The following EML6 variants were observed in gnomAD, a reference collection of about 807,000 sequenced individuals.
EML6 encodes echinoderm microtubule-associated protein-like 6.
In EML6, 154 loss-of-function variants were observed where a neutral mutation model predicts 240.1. That is an observed-to-expected ratio of 0.64 (90% CI 0.56 to 0.73). The LOEUF is 0.73. Among genes scored for constraint, EML6 ranks in the 30% least tolerant of loss-of-function variants. EML6 has a pLI of 0.00. For missense variants in EML6, 2,964 were observed against 2,474.6 expected (o/e 1.20, Z -4.20); for synonymous variants, 1,148 against 899.0 (o/e 1.28, Z -4.95).
In EML6 at chr2:54,928,282, C is replaced by G. The variant is rs1489318612; in HGVS notation, c.3676-31C>G. ...AGCCCAGAGAAAGGAATAACAGTGGCTGGGGTAATAACCAATTTCGGGCTT... is the reference window on the plus strand; with the variant it reads ...AGCCCAGAGAAAGGAATAACAGTGGGTGGGGTAATAACCAATTTCGGGCTT... On this transcript the variant is annotated intron_variant, in intron 26 of 41. Transcript: ENST00000356458. 4.0e-6 allele frequency: 6 copies of G among 1,515,254 alleles called. No homozygotes were observed. In the Admixed American group the frequency reaches 1.2e-4, roughly 30 times the overall value. The allele number at this position is 1,515,254 out of a possible 1,614,324, so 93.9% of individuals were successfully genotyped here. A position where few individuals can be genotyped will look rare whatever the true frequency, so the allele number is the denominator to read the frequency against.
chr2:54,880,828 T>G (rs904257275), intron 17 of EML6: 1 of 152,204 alleles, frequency 6.6e-6, no homozygotes, highest in Non-Finnish European at 1.5e-5. Flanking sequence ...ACAGATAATT[T>G]CAGGGAAAGC....
At chr2:54,956,138 A>T (rs950537367) in intron 32 of EML6, among the ~76,000 whole-genome samples, 1 of 152,206 alleles carries the variant, frequency 6.6e-6, no homozygotes, top group Non-Finnish European at 1.5e-5. Flanking sequence ...CTAGAAGCCA[A>T]TGCAGAGAGG....
intron 2 of EML6, among the ~76,000 whole-genome samples, chr2:54,784,469 T>C (rs1477845065): frequency 4.6e-5 from 7 of 152,158 alleles, no homozygotes; most frequent in Non-Finnish European, 1.0e-4. Flanking sequence ...AATAATGAAT[T>C]TGTATAGCCT....
chr2:54,835,865 GT>G, intron 7 of EML6, among the ~76,000 whole-genome samples: 2 of 152,308 alleles, frequency 1.3e-5, no homozygotes, highest in East Asian at 3.9e-4. Context: ...AGCCCCAAAT[GT>G]TGATAGTGTT....
At chr2:54,887,417 G>T (rs1672207225) in intron 17 of EML6, among the ~76,000 whole-genome samples, 2 of 152,110 alleles carry the variant, frequency 1.3e-5, no homozygotes, top group African/African-American at 4.8e-5. Context: ...AAATGTTAGG[G>T]TTATTTGAGT....
chr2:54,823,745 A>AGG (rs1284609321), intron 5 of EML6, among the ~76,000 whole-genome samples: 1 of 151,906 alleles, frequency 6.6e-6, no homozygotes, highest in Non-Finnish European at 1.5e-5. Context: ...CCAGGACCCT[A>AGG]GGGGGTTAGG....
intron 2 of EML6, among the ~76,000 whole-genome samples, chr2:54,731,862 AC>A: frequency 1.3e-5 from 2 of 151,784 alleles, no homozygotes; most frequent in African/African-American, 4.8e-5. Context: ...GGATCTGAAC[AC>A]CTTTTTGAAG....
At chr2:54,903,240 G>A (rs1673153901) in intron 23 of EML6, 44 bp downstream of exon 23, 8 of 1,533,644 alleles carry the variant, frequency 5.2e-6, no homozygotes, top group Non-Finnish European at 6.2e-6. Context: ...ACAGTCTTGG[G>A]ACAAAAAATT....
intron 2 of EML6, among the ~76,000 whole-genome samples, chr2:54,783,079 A>T (rs1174022674): frequency 6.6e-6 from 1 of 152,210 alleles, no homozygotes; most frequent in African/African-American, 2.4e-5. Flanking sequence ...TAATATAGGT[A>T]TGTATGCGTG....
chr2:54,804,087 A>AT (rs1365405087), intron 2 of EML6, among the ~76,000 whole-genome samples: 1 of 152,224 alleles, frequency 6.6e-6, no homozygotes, highest in Non-Finnish European at 1.5e-5. Flanking sequence ...TACCCTGAAA[A>AT]TGACTGTGTG....
chr2:54,838,753 T>C (rs1043162627), intron 7 of EML6, among the ~76,000 whole-genome samples: 2 of 152,212 alleles, frequency 1.3e-5, no homozygotes, highest in African/African-American at 2.4e-5. Context: ...GCTGGCTCTC[T>C]GTACCAAGCA....
At chr2:54,767,723 G>T (rs1668244996) in intron 2 of EML6, among the ~76,000 whole-genome samples, 1 of 151,666 alleles carries the variant, frequency 6.6e-6, no homozygotes, top group Non-Finnish European at 1.5e-5. Context: ...ATATTGCCCA[G>T]GCTGGTGTCG....
At chr2:54,840,099 C>A (rs1158341872) in intron 7 of EML6, among the ~76,000 whole-genome samples, 2 of 152,112 alleles carry the variant, frequency 1.3e-5, no homozygotes, top group East Asian at 3.9e-4. Context: ...CTGAAGAGTA[C>A]AGCATTAAAT....
At chr2:54,916,353 G>T (rs1464064297) in intron 25 of EML6, among the ~76,000 whole-genome samples, 2 of 152,232 alleles carry the variant, frequency 1.3e-5, no homozygotes, top group African/African-American at 2.4e-5. Context: ...GGAGACCAGA[G>T]ATGCTCTAAA....
intron 30 of EML6, among the ~76,000 whole-genome samples, chr2:54,951,200 G>A (rs10182616): frequency 0.061 from 9,257 of 152,162 alleles, 889 homozygotes; most frequent in African/African-American, 0.2. Context: ...TGACAGTTTA[G>A]CCACATTTAT....
chr2:54,756,857 G>A (rs1419117959), intron 2 of EML6, among the ~76,000 whole-genome samples: 1 of 151,834 alleles, frequency 6.6e-6, no homozygotes, highest in Non-Finnish European at 1.5e-5. Flanking sequence ...GTTCTGGAAT[G>A]TTTTCTTGCC....
intron 2 of EML6, among the ~76,000 whole-genome samples, chr2:54,784,794 C>T (rs1000496351): frequency 6.6e-6 from 1 of 152,054 alleles, no homozygotes; most frequent in Non-Finnish European, 1.5e-5. Flanking sequence ...TATTAAGCCC[C>T]ACATGCTATT....
rs1672526213 is a variant in EML6 at position 54,892,515 on chromosome 2, G to A, written c.2601G>A (p.Met867Ile). 4 of 1,551,416 alleles carry A rather than the reference G, an allele frequency of 2.6e-6. No individual in the cohort carries two copies. In the South Asian group the frequency reaches 3.6e-5, roughly 14 times the overall value. ...FGSVGKLETM[M>I]CVSYGRMEDL... Reference sequence around the variant, plus strand: ...GCGTTGGAAAATTGGAAACAATGATGTGTGTTTCTTACGGACGAATGGAAG... The same window carrying A: ...GCGTTGGAAAATTGGAAACAATGATATGTGTTTCTTACGGACGAATGGAAG... Residue 867 changes from methionine to isoleucine, a missense_variant, in exon 19 of 42, where the codon ATG (methionine) becomes ATA (isoleucine). Physicochemically the swap from Met to Ile is conservative, Grantham distance 10. Coordinates refer to ENST00000356458, the MANE Select transcript of EML6 (RefSeq NM_001039753.4).
chr2:54,728,819 C>G (rs1237289571), intron 2 of EML6, among the ~76,000 whole-genome samples: 2 of 152,194 alleles, frequency 1.3e-5, no homozygotes, highest in Non-Finnish European at 2.9e-5. Context: ...TTTCTGTTCT[C>G]TCTCCTAACC....
Sources: gnomAD v4.1 joint callset for allele counts (sites outside exome capture counted in the v4.1 genomes callset) on GRCh38, gnomAD v4.1.1 for gene constraint, MANE v1.5 for transcripts, NCBI Gene and HGNC (gene_info 2026-07-23, HGNC 2026-07-21) for gene names.